Variants in KCNMA1 observed in about 807,000 individuals in gnomAD.
The protein encoded by KCNMA1 is potassium calcium-activated channel subfamily M alpha 1.
KCNMA1 carries 29 observed loss-of-function variants against 140.0 expected under a neutral mutation model. The ratio of observed to expected loss-of-function variants is 0.21; its 90% CI spans 0.15 to 0.28. The LOEUF is 0.28. Ranked by LOEUF, KCNMA1 falls within the 10% of genes least tolerant of loss-of-function variation. The pLI is 1.00. For missense variants in KCNMA1, 880 were observed against 1,602.2 expected (o/e 0.55, Z 7.70); for synonymous variants, 612 against 611.9 (o/e 1.00, Z 0.00).
chr10:76,959,765 T>C (rs2070200512), intron 20 of KCNMA1, among the ~76,000 whole-genome samples: 1 of 152,248 alleles, frequency 6.6e-6, no homozygotes, highest in Admixed American at 6.5e-5. Flanking sequence ...TTACCATTGT[T>C]GTTACTATGA....
At position 76,885,450 on chromosome 10, in the gene KCNMA1, GC is replaced by G. The variant is rs2036473246; in HGVS notation, c.*1815del. 2 of 985,174 alleles carry G rather than the reference GC, an allele frequency of 2.0e-6. No homozygotes were observed. Among genetic ancestry groups the G allele is most frequent in the Non-Finnish European group, 1.2e-6 (1 of 829,892 alleles). The allele number at this position is 985,174 out of a possible 1,614,324, so 61.0% of individuals were successfully genotyped here. A position where few individuals can be genotyped will look rare whatever the true frequency, so the allele number is the denominator to read the frequency against. On this transcript the variant is annotated 3_prime_UTR_variant, in exon 28 of 28. Coordinates refer to ENST00000286628, the MANE Select transcript of KCNMA1 (RefSeq NM_001161352.2). The stretch of plus-strand genomic sequence containing the variant: ...GGGGGAGGGTGGAGGTTCTGACTGA[GC>G]CTCACCATTTGTCAGTAAAAGTGCT...
intron 6 of KCNMA1, 99 bp from the exon 7 acceptor site, chr10:77,112,541 GCCACATCTAACTCCCAA>G: frequency 1.2e-6 from 1 of 802,210 alleles, no homozygotes; most frequent in South Asian, 1.4e-5. Flanking sequence ...AGGAGAGGCT[GCCACATCTAACTCCCAA>G]CCATTTCTCC....
At chr10:76,939,696 G>A (rs968234608) in intron 23 of KCNMA1, 10 of 152,246 alleles carry the variant, frequency 6.6e-5, no homozygotes, top group African/African-American at 2.4e-4. Context: ...TTTCATGGAA[G>A]GGTAAGCAGG....
At chr10:77,115,188 A>G (rs1313892200) in intron 6 of KCNMA1, among the ~76,000 whole-genome samples, 2 of 152,256 alleles carry the variant, frequency 1.3e-5, no homozygotes, top group Admixed American at 6.5e-5. Flanking sequence ...TGGAAAGAAT[A>G]AACAGATTCA....
chr10:76,893,963 T>C (rs1467880058), intron 25 of KCNMA1, among the ~76,000 whole-genome samples: 1 of 152,160 alleles, frequency 6.6e-6, no homozygotes, highest in African/African-American at 2.4e-5. Flanking sequence ...GTCCATTTTT[T>C]TGTAAAAATG....
intron 2 of KCNMA1, among the ~76,000 whole-genome samples, chr10:77,300,737 T>C (rs572580795): frequency 1.6e-3 from 245 of 152,340 alleles, no homozygotes; most frequent in Non-Finnish European, 2.8e-3. Context: ...TTTTGCAGCA[T>C]AGTCTCTACC....
chr10:77,317,925 T>C (rs1406132792), intron 2 of KCNMA1, among the ~76,000 whole-genome samples: 1 of 152,208 alleles, frequency 6.6e-6, no homozygotes, highest in African/African-American at 2.4e-5. Flanking sequence ...AGAAATTGTT[T>C]GCTTGACTCC....
At chr10:77,486,161 C>T (rs559471652) in intron 1 of KCNMA1, among the ~76,000 whole-genome samples, 2 of 152,208 alleles carry the variant, frequency 1.3e-5, no homozygotes, top group Admixed American at 1.3e-4. Flanking sequence ...TGTAGGCTGC[C>T]GTGGCCAGGA....
chr10:77,455,944 C>T (rs1215484625), intron 1 of KCNMA1, among the ~76,000 whole-genome samples: 1 of 152,220 alleles, frequency 6.6e-6, no homozygotes, highest in Non-Finnish European at 1.5e-5. Context: ...TAAGCCCATG[C>T]TCTTTGATCT....
chr10:77,047,717 A>G (rs1188836178), intron 14 of KCNMA1, among the ~76,000 whole-genome samples: 2 of 152,014 alleles, frequency 1.3e-5, no homozygotes, highest in African/African-American at 4.8e-5. Context: ...CTGTTCAGAG[A>G]GGAATTTGGT....
intron 1 of KCNMA1, among the ~76,000 whole-genome samples, chr10:77,623,668 A>C (rs915314719): frequency 1.3e-5 from 2 of 151,586 alleles, no homozygotes; most frequent in Non-Finnish European, 2.9e-5. Context: ...GTGACACTGC[A>C]CCCTAGCCTG....
chr10:77,237,529 C>T (rs1394972354), intron 3 of KCNMA1, among the ~76,000 whole-genome samples: 1 of 152,200 alleles, frequency 6.6e-6, no homozygotes, highest in Non-Finnish European at 1.5e-5. Flanking sequence ...GCAACCAGGG[C>T]TCACTTCTGC....
intron 23 of KCNMA1, among the ~76,000 whole-genome samples, chr10:76,927,844 T>C (rs1413460502): frequency 1.3e-5 from 2 of 152,320 alleles, no homozygotes; most frequent in Non-Finnish European, 2.9e-5. Context: ...AGACTCCCAC[T>C]GGGAACTGGA....
Position 76,944,950 on chromosome 10 carries a change from G to T in KCNMA1, c.2725C>A (p.Arg909=). 6.2e-7 allele frequency: 1 copy of T among 1,613,634 alleles called. No homozygotes were observed. The highest frequency in any genetic ancestry group is 8.5e-7 in the Non-Finnish European group (1 of 1,179,924). The change falls in exon 23 of 28, where the codon CGG becomes AGG. Residue 909 remains arginine, a synonymous_variant. Coordinates refer to ENST00000286628, the MANE Select transcript of KCNMA1 (RefSeq NM_001161352.2). ...ATGTTGACAGCCCTTAAATCAGCCCGACTTAATGGCGTACCCTTTGGCATA... is the reference window on the plus strand; with the variant it reads ...ATGTTGACAGCCCTTAAATCAGCCCTACTTAATGGCGTACCCTTTGGCATA... ...VSILPGTPLS[R]ADLRAVNINL...
At chr10:76,992,313 G>C (rs2083012091) in intron 19 of KCNMA1, among the ~76,000 whole-genome samples, 1 of 152,322 alleles carries the variant, frequency 6.6e-6, no homozygotes, top group South Asian at 2.1e-4. Flanking sequence ...GGCATGTGTA[G>C]CAATCTCCCT....
At chr10:77,468,910 T>C (rs2098091578) in intron 1 of KCNMA1, among the ~76,000 whole-genome samples, 1 of 152,190 alleles carries the variant, frequency 6.6e-6, no homozygotes. Flanking sequence ...TAACCCAACC[T>C]GGTCTCTGCA....
intron 1 of KCNMA1, among the ~76,000 whole-genome samples, chr10:77,550,596 G>C (rs2062570586): frequency 6.6e-6 from 1 of 152,206 alleles, no homozygotes; most frequent in Non-Finnish European, 1.5e-5. Flanking sequence ...ACATTCTGGA[G>C]CAGGCGTCTC....
chr10:77,111,604 C>T (rs2097326432), intron 7 of KCNMA1, among the ~76,000 whole-genome samples: 1 of 152,208 alleles, frequency 6.6e-6, no homozygotes, highest in African/African-American at 2.4e-5. Flanking sequence ...GCCCCAACCA[C>T]TGCCATCCCA....
Position 77,334,595 on chromosome 10 carries a change from A to C in KCNMA1, c.540+69267T>G, listed in dbSNP as rs139319222. Among the ~76,000 whole-genome samples the C allele has an allele frequency of 2.6e-5, 4 of 152,322 alleles. No individual in the cohort carries two copies. The East Asian group carries it at 7.7e-4, about 29-fold the overall frequency. ...CTGCTGAGTACAAGGCATTTTGAAA[A>C]TAGGTGTTTGGGGGCCAGAAAATGA... On this transcript the variant is annotated intron_variant, in intron 2 of 27. Coordinates refer to ENST00000286628, the MANE Select transcript of KCNMA1 (RefSeq NM_001161352.2).
Sources: gnomAD v4.1 joint callset for allele counts (sites outside exome capture counted in the v4.1 genomes callset) on GRCh38, gnomAD v4.1.1 for gene constraint, MANE v1.5 for transcripts, NCBI Gene and HGNC (gene_info 2026-07-23, HGNC 2026-07-21) for gene names.